CTNNA3: variants seen among roughly 807,000 people sequenced by gnomAD.
The protein encoded by CTNNA3 is catenin alpha-3.
Under a neutral mutation model 95.7 loss-of-function variants are expected in CTNNA3, and 76 were observed. That is an observed-to-expected ratio of 0.79 (90% CI 0.66 to 0.96). CTNNA3 has a LOEUF of 0.96. Among genes scored for constraint, CTNNA3 ranks in the 40% least tolerant of loss-of-function variants. The pLI, the probability that CTNNA3 is intolerant of heterozygous loss-of-function variation, is 0.00. For synonymous variants in CTNNA3, 431 were observed against 374.4 expected (o/e 1.15, Z -1.74); for missense variants, 1,191 against 1,089.8 (o/e 1.09, Z -1.31).
chr10:66,210,221 G>C lies in CTNNA3; in HGVS notation c.1884+70249C>G, dbSNP rs1476384453. Among the ~76,000 whole-genome samples the C allele has an allele frequency of 2.6e-5, 4 of 151,522 alleles. No homozygotes were observed. In the Admixed American group the frequency reaches 2.6e-4, roughly 10 times the overall value. On this transcript the variant is annotated intron_variant, in intron 13 of 17. Transcript: ENST00000433211. The stretch of plus-strand genomic sequence containing the variant: ...AACTGTATCATATATGGGAAGAAAT[G>C]GCTTAGGTATGCCAAGAAGCAGGAC...
At position 66,395,417 on chromosome 10, in the gene CTNNA3, C is replaced by T. The variant is rs1461595768; in HGVS notation, c.1532-16065G>A. On this transcript the variant is annotated intron_variant, in intron 11 of 17. Transcript: ENST00000433211. Reference sequence around the variant, plus strand: ...GGTATGACTTTTTCCATGCCCAAATCGGTATCATTCACAAAATATTCTGTA... The same window carrying T: ...GGTATGACTTTTTCCATGCCCAAATTGGTATCATTCACAAAATATTCTGTA... Among the ~76,000 whole-genome samples, 4 of 151,932 alleles carry T rather than the reference C, an allele frequency of 2.6e-5. No homozygotes were observed. In the South Asian group the frequency reaches 6.2e-4, roughly 24 times the overall value.
intron 10 of CTNNA3, among the ~76,000 whole-genome samples, chr10:66,580,321 G>A (rs1236911653): frequency 6.6e-6 from 1 of 151,246 alleles, no homozygotes; most frequent in Non-Finnish European, 1.5e-5. Context: ...CATATTAATG[G>A]GGTACATGTG....
At chr10:66,401,890 C>T (rs1289995164) in intron 11 of CTNNA3, among the ~76,000 whole-genome samples, 1 of 152,010 alleles carries the variant, frequency 6.6e-6, no homozygotes, top group Non-Finnish European at 1.5e-5. Context: ...AACTCCTGAC[C>T]TCAGGTGATC....
At position 66,510,198 on chromosome 10, in the gene CTNNA3, T is replaced by C. The variant is rs1004259243; in HGVS notation, c.1531+10419A>G. The stretch of plus-strand genomic sequence containing the variant: ...TTTAAATTCTTTTTCACCTAGTTCA[T>C]TACTGGTATATAAAATACTAATTAT... On this transcript the variant is annotated intron_variant, in intron 11 of 17. Coordinates refer to ENST00000433211, the MANE Select transcript of CTNNA3 (RefSeq NM_013266.4). 2.0e-5 allele frequency among the ~76,000 whole-genome samples: 3 copies of C among 151,922 alleles called. 1 individual carries two copies. The highest frequency in any genetic ancestry group is 7.2e-5 in the African/African-American group (3 of 41,434).
intron 12 of CTNNA3, among the ~76,000 whole-genome samples, chr10:66,368,597 C>A (rs1230935875): frequency 6.6e-6 from 1 of 151,998 alleles, no homozygotes; most frequent in African/African-American, 2.4e-5. Flanking sequence ...ATTGTTAGTA[C>A]CTTGACTCAA....
intron 7 of CTNNA3, among the ~76,000 whole-genome samples, chr10:67,025,131 AAAAC>A (rs1201627254): frequency 6.4e-5 from 7 of 110,206 alleles, no homozygotes; most frequent in South Asian, 4.3e-4. Flanking sequence ...AACTCTGTCA[AAAAC>A]AAAAAAAAAA....
chr10:67,535,454 C>A (rs747061487), intron 4 of CTNNA3, among the ~76,000 whole-genome samples: 10 of 145,744 alleles, frequency 6.9e-5, no homozygotes, highest in Non-Finnish European at 1.2e-4. Context: ...TAACTTCTAC[C>A]TTTACATAAT....
intron 15 of CTNNA3, among the ~76,000 whole-genome samples, chr10:66,037,497 G>A (rs2079590796): frequency 6.6e-6 from 1 of 152,004 alleles, no homozygotes; most frequent in African/African-American, 2.4e-5. Context: ...AAATAAATAA[G>A]CAATTCATGG....
At chr10:66,772,334 AG>A (rs1227740379) in intron 8 of CTNNA3, among the ~76,000 whole-genome samples, 1 of 151,792 alleles carries the variant, frequency 6.6e-6, no homozygotes, top group African/African-American at 2.4e-5. Flanking sequence ...CTGAGGCAGG[AG>A]AATTGCCTGA....
At chr10:67,740,363 G>A (rs930771570) in intron 1 of CTNNA3, among the ~76,000 whole-genome samples, 1 of 151,688 alleles carries the variant, frequency 6.6e-6, no homozygotes, top group African/African-American at 2.4e-5. Context: ...CCATCAGAGT[G>A]AACAGGCAAC....
At chr10:66,131,385 T>C (rs963884876) in intron 13 of CTNNA3, among the ~76,000 whole-genome samples, 2 of 152,220 alleles carry the variant, frequency 1.3e-5, no homozygotes, top group South Asian at 4.1e-4. Context: ...AATGCTTTAT[T>C]CCTGAGATGC....
chr10:66,253,769 A>G (rs916630387), intron 13 of CTNNA3, among the ~76,000 whole-genome samples: 3 of 152,130 alleles, frequency 2.0e-5, no homozygotes, highest in Non-Finnish European at 2.9e-5. Context: ...TGGGAAGTTA[A>G]TAAGTGTCAT....
intron 15 of CTNNA3, among the ~76,000 whole-genome samples, chr10:65,994,013 T>A (rs2078596721): frequency 6.6e-6 from 1 of 152,148 alleles, no homozygotes; most frequent in South Asian, 2.1e-4. Context: ...AGATTAAAGG[T>A]CTGAGTCACC....
chr10:65,943,810 T>C (rs1284638346), intron 17 of CTNNA3, among the ~76,000 whole-genome samples: 2 of 152,208 alleles, frequency 1.3e-5, no homozygotes, highest in Non-Finnish European at 2.9e-5. Flanking sequence ...TCATGAGACA[T>C]AGCCCCATCA....
chr10:66,258,167 C>T (rs1373301601), intron 13 of CTNNA3, among the ~76,000 whole-genome samples: 5 of 152,202 alleles, frequency 3.3e-5, no homozygotes, highest in African/African-American at 9.6e-5. Context: ...GATGACCCTA[C>T]TAATCTGTAG....
intron 1 of CTNNA3, among the ~76,000 whole-genome samples, chr10:67,666,663 T>C (rs542182663): frequency 3.3e-5 from 5 of 152,286 alleles, no homozygotes; most frequent in African/African-American, 1.2e-4. Flanking sequence ...AGCCCACATA[T>C]TGCACCCAAT....
chr10:66,795,823 T>G (rs1180599501), intron 7 of CTNNA3, among the ~76,000 whole-genome samples: 1 of 152,202 alleles, frequency 6.6e-6, no homozygotes, highest in African/African-American at 2.4e-5. Flanking sequence ...CACTTGCTGC[T>G]TCACCTGGCA....
chr10:67,368,967 G>A (rs557392498), intron 5 of CTNNA3, among the ~76,000 whole-genome samples: 5 of 152,176 alleles, frequency 3.3e-5, no homozygotes, highest in Admixed American at 2.0e-4. Context: ...TTTCACCATC[G>A]ACATATTTCA....
chr10:66,051,208 A>T (rs895150164), intron 15 of CTNNA3, among the ~76,000 whole-genome samples: 3 of 152,176 alleles, frequency 2.0e-5, no homozygotes, highest in Admixed American at 2.0e-4. Context: ...TTATTCCTCT[A>T]ATTTCTGTAA....
Sources: allele counts gnomAD v4.1 joint callset (sites outside exome capture counted in the v4.1 genomes callset), GRCh38; gene constraint gnomAD v4.1.1; transcripts MANE v1.5; gene names NCBI Gene and HGNC (gene_info 2026-07-23, HGNC 2026-07-21).